Variants in TTLL7 observed in about 807,000 individuals in gnomAD.
TTLL7 encodes tubulin polyglutamylase TTLL7.
A neutral mutation model predicts 120.2 loss-of-function variants in TTLL7; 53 were observed. The observed-to-expected ratio is 0.44, with a 90% CI of 0.35 to 0.55. TTLL7 has a LOEUF of 0.55. TTLL7 is among the 20% of genes least tolerant of loss of function. TTLL7 has a pLI of 0.00. For missense variants in TTLL7, 803 were observed against 1,054.7 expected, an observed-to-expected ratio of 0.76 and a Z score of 3.31; for synonymous variants, 353 against 351.7, an observed-to-expected ratio of 1.00 and a Z score of -0.04.
intron 1 of TTLL7, among the ~76,000 whole-genome samples, chr1:83,956,001 AAAC>A (rs1394800532): frequency 6.6e-6 from 1 of 152,236 alleles, no homozygotes; most frequent in African/African-American, 2.4e-5. Context: ...CTTAAAAAAC[AAAC>A]AACCAATCAA....
chr1:83,948,512 A>G, intron 5 of TTLL7, 116 bp downstream of exon 5: 58 of 574,056 alleles, frequency 1.0e-4, no homozygotes, highest in Non-Finnish European at 1.5e-4. Flanking sequence ...CCAAAATTCT[A>G]TCACTCTCAT....
At chr1:83,996,122 A>G (rs1484853294) in intron 1 of TTLL7, among the ~76,000 whole-genome samples, 3 of 152,086 alleles carry the variant, frequency 2.0e-5, no homozygotes, top group African/African-American at 7.3e-5. Flanking sequence ...TCAAATTATG[A>G]GGGTGTTTTT....
rs143246832 is a variant in TTLL7, at chr1:83,878,969, CT to C, written c.2543+3993del. ...GTCTGCTGTTAGCTCTATTTTCTAT[CT>C]GTTTTAATTTTATAAATAAATTAAC... On this transcript the variant is annotated intron_variant, in intron 20 of 20. Transcript: ENST00000260505. 9.3e-3 allele frequency among the ~76,000 whole-genome samples: 1,413 copies of C among 151,984 alleles called. 23 individuals are homozygous for C. Among genetic ancestry groups the C allele is most frequent in the African/African-American group, 0.032 (1,314 of 41,482 alleles).
chr1:83,949,937 A>G lies in TTLL7; in HGVS notation c.207T>C (p.Asp69=). Residue 69 remains aspartate, a synonymous_variant, in exon 4 of 21, where the codon GAT becomes GAC. Coordinates refer to ENST00000260505, the MANE Select transcript of TTLL7 (RefSeq NM_024686.6). ...EMGFMKTPDE[D]ETSNLIWCDS... is the part of the protein sequence containing the mutation. ...CACACCATATAAGATTACTTGTTTCATCCTCATCTGGAGTTTTCATAAATC... is the reference window on the plus strand; with the variant it reads ...CACACCATATAAGATTACTTGTTTCGTCCTCATCTGGAGTTTTCATAAATC... 1.2e-6 allele frequency: 2 copies of G among 1,613,728 alleles called. No individual in the cohort carries two copies. The highest frequency in any genetic ancestry group is 2.2e-5 in the East Asian group (1 of 44,840).
At chr1:83,883,986 C>T (rs1213451678) in intron 19 of TTLL7, among the ~76,000 whole-genome samples, 2 of 151,842 alleles carry the variant, frequency 1.3e-5, no homozygotes, top group African/African-American at 4.8e-5. Flanking sequence ...TATTCCAAAG[C>T]AGGTAATGGT....
intron 1 of TTLL7, among the ~76,000 whole-genome samples, chr1:83,957,235 T>C (rs1410350572): frequency 6.6e-6 from 1 of 152,156 alleles, no homozygotes; most frequent in African/African-American, 2.4e-5. Context: ...AAACTTCTTT[T>C]ATGTAAAAGA....
rs926872400 is a variant in TTLL7, at chr1:83,906,318, C to A, written c.2127+11G>T. The A allele has an allele frequency of 1.2e-6, 2 of 1,608,944 alleles. No individual in the cohort carries two copies. The highest frequency in any genetic ancestry group is 2.7e-5 in the African/African-American group (2 of 74,656). On this transcript the variant is annotated intron_variant, in intron 17 of 20. Coordinates refer to ENST00000260505, the MANE Select transcript of TTLL7 (RefSeq NM_024686.6). ...CAGCTCCTTGGCATTTTAGATACAT[C>A]ACATACTCACATCTTCTATCAGAAG...
intron 9 of TTLL7, 82 bp downstream of exon 9, chr1:83,933,509 AGTTAATGGGACAACTGT>A: frequency 7.9e-7 from 1 of 1,270,136 alleles, no homozygotes; most frequent in Non-Finnish European, 1.1e-6. Context: ...CATTCTGGAC[AGTTAATGGGACAACTGT>A]GTTAAGTACA....
Position 83,895,480 on chromosome 1 carries a change from T to C in TTLL7, c.2209-4999A>G, listed in dbSNP as rs569985323. Among the ~76,000 whole-genome samples, 3 of 152,230 alleles carry C rather than the reference T, an allele frequency of 2.0e-5. No individual in the cohort carries two copies. In the East Asian group the frequency reaches 5.8e-4, roughly 29 times the overall value. ...CCAAAAATCTCAAGCTTAGATTCCA[T>C]AATCATACATATTATTAATTCTGCA... On this transcript the variant is annotated intron_variant, in intron 18 of 20. Transcript: ENST00000260505.
At chr1:83,911,097 T>C (rs1657637342) in intron 15 of TTLL7, 68 bp downstream of exon 15, 1 of 1,366,944 alleles carries the variant, frequency 7.3e-7, no homozygotes, top group Non-Finnish European at 1.0e-6. Flanking sequence ...AAGGACCTTT[T>C]ACTGAGTTTA....
intron 1 of TTLL7, among the ~76,000 whole-genome samples, chr1:83,993,497 T>A (rs1217151469): frequency 1.3e-5 from 2 of 152,238 alleles, no homozygotes; most frequent in African/African-American, 4.8e-5. Flanking sequence ...AACTATACTG[T>A]TCCATTACAC....
intron 1 of TTLL7, among the ~76,000 whole-genome samples, chr1:83,966,125 A>C (rs764044869): frequency 2.6e-5 from 4 of 152,148 alleles, no homozygotes; most frequent in Non-Finnish European, 4.4e-5. Flanking sequence ...AAACTTTGAC[A>C]AAAGCAGATG....
intron 20 of TTLL7, chr1:83,879,966 G>A (rs1156836082): frequency 6.6e-6 from 1 of 151,980 alleles, no homozygotes; most frequent in Non-Finnish European, 1.5e-5. Context: ...TCCATCAACA[G>A]AAATTAGTTT....
At chr1:83,901,484 T>A (rs183337571) in intron 18 of TTLL7, among the ~76,000 whole-genome samples, 5 of 152,136 alleles carry the variant, frequency 3.3e-5, no homozygotes, top group Admixed American at 3.3e-4. Flanking sequence ...TCTACTTTTT[T>A]AAATTAGCAA....
Position 83,866,845 on chromosome 1 carries a change from T to A in TTLL7, c.*3117A>T, listed in dbSNP as rs1264878775. 6.6e-6 allele frequency: 1 copy of A among 152,014 alleles called. No individual in the cohort carries two copies. Among genetic ancestry groups the A allele is most frequent in the Non-Finnish European group, 1.5e-5 (1 of 67,862 alleles). The allele number at this position is 152,014 out of a possible 1,614,324, so 9.4% of individuals were successfully genotyped here. On this transcript the variant is annotated 3_prime_UTR_variant, in exon 21 of 21. Transcript: ENST00000260505. ...ATGGTAACTAATCTATAATGATGGA[T>A]TAGTCAAGTGAAAACTAGTTTGCAG...
chr1:83,954,539 A>G (rs1649337939), intron 1 of TTLL7, among the ~76,000 whole-genome samples: 1 of 152,212 alleles, frequency 6.6e-6, no homozygotes, highest in East Asian at 1.9e-4. Flanking sequence ...GTTACCTCTG[A>G]AATGCTTTAA....
chr1:83,949,818 C>T (rs1376639216), intron 4 of TTLL7, 47 bp downstream of exon 4: 2 of 1,605,038 alleles, frequency 1.2e-6, no homozygotes, highest in Non-Finnish European at 1.7e-6. Context: ...ATGTGGAATC[C>T]ATATAACTTT....
At chr1:83,878,178 G>A (rs749254975) in intron 20 of TTLL7, among the ~76,000 whole-genome samples, 3 of 150,426 alleles carry the variant, frequency 2.0e-5, no homozygotes, top group Admixed American at 6.6e-5. Flanking sequence ...TCAATCTTCT[G>A]AAATTCTGTG....
intron 1 of TTLL7, among the ~76,000 whole-genome samples, chr1:83,961,017 T>C (rs1649970664): frequency 6.6e-6 from 1 of 152,148 alleles, no homozygotes; most frequent in Non-Finnish European, 1.5e-5. Context: ...AAAAACCTGA[T>C]AACAGCCAAG....
Sources: allele counts gnomAD v4.1 joint callset (sites outside exome capture counted in the v4.1 genomes callset), GRCh38; gene constraint gnomAD v4.1.1; transcripts MANE v1.5; gene names NCBI Gene and HGNC (gene_info 2026-07-23, HGNC 2026-07-21).